The following FGGY variants were observed in gnomAD, a reference collection of about 807,000 sequenced individuals.
FGGY encodes FGGY carbohydrate kinase domain containing.
A neutral mutation model predicts 71.3 loss-of-function variants in FGGY; 72 were observed. That is an observed-to-expected ratio of 1.01 (90% confidence interval 0.84 to 1.23). FGGY has a LOEUF of 1.23. Among genes scored for constraint, FGGY ranks in the 50% most tolerant of loss-of-function variants. The pLI is 0.00. For synonymous variants in FGGY, 251 were observed against 250.3 expected, an observed-to-expected ratio of 1.00 and a Z score of -0.02; for missense variants, 668 against 682.3, an observed-to-expected ratio of 0.98 and a Z score of 0.23.
chr1:59,641,666 A>G (rs1465279201), intron 11 of FGGY, among the ~76,000 whole-genome samples: 1 of 152,168 alleles, frequency 6.6e-6, no homozygotes, highest in Non-Finnish European at 1.5e-5. Flanking sequence ...GCTTCTCTTG[A>G]AAATATTTGT....
intron 14 of FGGY, among the ~76,000 whole-genome samples, chr1:59,675,033 T>G (rs756655313): frequency 1.2e-4 from 18 of 152,202 alleles, no homozygotes; most frequent in Non-Finnish European, 1.8e-4. Flanking sequence ...ATTTAGTCCC[T>G]GCAATAGCTC....
intron 15 of FGGY, 50 bp downstream of exon 15, chr1:59,758,042 A>G: frequency 8.1e-7 from 1 of 1,241,768 alleles, no homozygotes; most frequent in Non-Finnish European, 1.2e-6. Flanking sequence ...GAGCACATAC[A>G]CACACACATG....
rs749228110 is a variant in FGGY, at chr1:59,321,682, G to A, written c.133G>A (p.Glu45Lys). 6.2e-6 allele frequency: 10 copies of A among 1,613,196 alleles called. No individual in the cohort carries two copies. The Admixed American group carries it at 1.0e-4, about 16-fold the overall frequency. ...TGCAGACCAGCCAATTAAGAATTGG[G>A]AGCCCCAGTTCAACCACCATGAGCA... Reference protein sequence around the residue: ...AFADQPIKNWEPQFNHHEQSS... With the variant: ...AFADQPIKNWKPQFNHHEQSS... Residue 45 changes from glutamate (E) to lysine (K), a missense_variant, in exon 2 of 16, where the codon GAG becomes AAG. Glu to Lys is a moderately conservative substitution (Grantham distance 56). Around this residue, in one of 2 missense-constraint regions of FGGY, gnomAD observed 661 missense variants for 661.6 expected, o/e 1.00. Coordinates refer to ENST00000303721, the MANE Select transcript of FGGY (RefSeq NM_018291.5).
intron 5 of FGGY, among the ~76,000 whole-genome samples, chr1:59,434,755 A>G (rs2068063632): frequency 6.6e-6 from 1 of 151,926 alleles, no homozygotes; most frequent in Non-Finnish European, 1.5e-5. Context: ...CAAGGGCCCT[A>G]CTTCTTCATG....
chr1:59,657,590 T>G, intron 11 of FGGY, among the ~76,000 whole-genome samples: 1 of 152,210 alleles, frequency 6.6e-6, no homozygotes, highest in East Asian at 1.9e-4. Flanking sequence ...TGTTCATGAC[T>G]AGTGATCATT....
chr1:59,386,508 C>T (rs1273732923), intron 5 of FGGY, among the ~76,000 whole-genome samples: 3 of 152,084 alleles, frequency 2.0e-5, no homozygotes, highest in Non-Finnish European at 4.4e-5. Context: ...GAGATATTGT[C>T]AGGTTTCTCC....
At chr1:59,638,476 C>T in intron 11 of FGGY, 101 bp downstream of exon 11, 1 of 1,387,094 alleles carries the variant, frequency 7.2e-7, no homozygotes, top group Non-Finnish European at 9.9e-7. Context: ...AAAAATAAAA[C>T]AGGCCAACAG....
chr1:59,334,318 T>A (rs147531903), intron 2 of FGGY, among the ~76,000 whole-genome samples: 2,598 of 152,048 alleles, frequency 0.017, 77 homozygotes, highest in African/African-American at 0.059. Flanking sequence ...AGTTTTTGTA[T>A]TTTTTAGTAG....
At chr1:59,655,702 A>G (rs1021885483) in intron 11 of FGGY, among the ~76,000 whole-genome samples, 12 of 152,224 alleles carry the variant, frequency 7.9e-5, no homozygotes, top group Non-Finnish European at 4.4e-5. Flanking sequence ...AGTTGGCACC[A>G]TAAGAGTTAC....
In FGGY at chr1:59,371,670, T is replaced by G. The variant is rs1411694418; in HGVS notation, c.466-7079T>G. Among the ~76,000 whole-genome samples, 3 of 152,158 alleles carry G rather than the reference T, an allele frequency of 2.0e-5. No homozygotes were observed. The East Asian group carries it at 5.8e-4, about 29-fold the overall frequency. On this transcript the variant is annotated intron_variant, in intron 4 of 15. Transcript: ENST00000303721. ...CACATGGTTGGAAGTAAGGCTCTCCTCAGCAAATGTAAAAGAACAGAAATT... is the reference window on the plus strand; with the variant it reads ...CACATGGTTGGAAGTAAGGCTCTCCGCAGCAAATGTAAAAGAACAGAAATT...
At chr1:59,669,913 CAG>C (rs763924271) in intron 13 of FGGY, among the ~76,000 whole-genome samples, 1 of 152,196 alleles carries the variant, frequency 6.6e-6, no homozygotes, top group African/African-American at 2.4e-5. Context: ...TGGGCTGACT[CAG>C]AAGCACGGCG....
intron 14 of FGGY, among the ~76,000 whole-genome samples, chr1:59,714,595 C>T (rs2097828533): frequency 1.3e-5 from 2 of 152,190 alleles, no homozygotes; most frequent in Admixed American, 1.3e-4. Context: ...CAGCTGATTG[C>T]TGTTAAATTC....
chr1:59,608,899 T>C (rs2096649012), intron 9 of FGGY, among the ~76,000 whole-genome samples: 1 of 152,160 alleles, frequency 6.6e-6, no homozygotes, highest in African/African-American at 2.4e-5. Flanking sequence ...GCCAGGTTCA[T>C]AGAAGGTACT....
At chr1:59,679,358 G>A (rs1193007921) in intron 14 of FGGY, among the ~76,000 whole-genome samples, 1 of 151,282 alleles carries the variant, frequency 6.6e-6, no homozygotes, top group Non-Finnish European at 1.5e-5. Flanking sequence ...ATAAATAACA[G>A]TTTTGCTATT....
chr1:59,602,901 C>G lies in FGGY; in HGVS notation c.904-4902C>G, dbSNP rs115540937. 2.9e-3 allele frequency among the ~76,000 whole-genome samples: 449 copies of G among 152,242 alleles called. 1 individual carries two copies. Among genetic ancestry groups the G allele is most frequent in the African/African-American group, 0.01 (427 of 41,538 alleles). On this transcript the variant is annotated intron_variant, in intron 8 of 15. Coordinates refer to ENST00000303721, the MANE Select transcript of FGGY (RefSeq NM_018291.5). Reference sequence around the variant, plus strand: ...CAGATTAGGAACTCCCTGAGGTAAGCGACCATGCCACTTCATTAGTAGTAG... The same window carrying G: ...CAGATTAGGAACTCCCTGAGGTAAGGGACCATGCCACTTCATTAGTAGTAG...
chr1:59,653,131 C>A (rs2097181841), intron 11 of FGGY, among the ~76,000 whole-genome samples: 1 of 152,194 alleles, frequency 6.6e-6, no homozygotes, highest in South Asian at 2.1e-4. Context: ...CAGCTGCGTG[C>A]TGGGAGAACC....
At chr1:59,491,076 T>C (rs1482464247) in intron 6 of FGGY, among the ~76,000 whole-genome samples, 1 of 9,782 alleles carries the variant, frequency 1.0e-4, no homozygotes, top group Non-Finnish European at 1.7e-4. Flanking sequence ...CCTTCCTTCC[T>C]TCCTTCCTTC....
At chr1:59,470,148 A>T (rs756795120) in intron 6 of FGGY, among the ~76,000 whole-genome samples, 4 of 152,124 alleles carry the variant, frequency 2.6e-5, no homozygotes, top group South Asian at 2.1e-4. Context: ...TGGTATTTCC[A>T]TCTTTAGGTC....
At chr1:59,460,151 G>C (rs1442640329) in intron 6 of FGGY, among the ~76,000 whole-genome samples, 1 of 152,156 alleles carries the variant, frequency 6.6e-6, no homozygotes, top group Non-Finnish European at 1.5e-5. Context: ...CTAGACAAGG[G>C]AAGCCATGAC....
Sources: gnomAD v4.1 joint callset for allele counts (sites outside exome capture counted in the v4.1 genomes callset) on GRCh38, gnomAD v4.1.1 for gene constraint, gnomAD v4.1.1 regional missense constraint, MANE v1.5 for transcripts, NCBI Gene and HGNC (gene_info 2026-07-23, HGNC 2026-07-21) for gene names.